HPGDS: variants seen among roughly 807,000 people sequenced by gnomAD.
HPGDS encodes hematopoietic prostaglandin D synthase.
A neutral mutation model predicts 23.1 loss-of-function variants in HPGDS; 26 were observed. That is an observed-to-expected ratio of 1.13 (90% CI 0.83 to 1.56). HPGDS has a LOEUF of 1.56. Ranked by LOEUF, HPGDS falls within the 40% of genes most tolerant of loss-of-function variation. The probability of loss-of-function intolerance (pLI) is 0.00; values close to 1 mark genes in which losing one functional copy is unlikely to be tolerated. For missense variants in HPGDS, 268 were observed against 236.4 expected (o/e 1.13, Z -0.88); for synonymous variants, 95 against 77.9 (o/e 1.22, Z -1.16).
chr4:94,337,469 G>A (rs1721045871), intron 1 of HPGDS, among the ~76,000 whole-genome samples: 1 of 151,930 alleles, frequency 6.6e-6, no homozygotes, highest in Admixed American at 6.5e-5. Context: ...AAGGTCAGGA[G>A]TTTGAGACCA....
At chr4:94,312,828 G>A (rs889939562) in intron 3 of HPGDS, among the ~76,000 whole-genome samples, 1 of 152,088 alleles carries the variant, frequency 6.6e-6, no homozygotes, top group Non-Finnish European at 1.5e-5. Flanking sequence ...TCCTGTATTG[G>A]GTGCATATAT....
At chr4:94,338,487 A>T (rs1332397583) in intron 1 of HPGDS, among the ~76,000 whole-genome samples, 1 of 152,198 alleles carries the variant, frequency 6.6e-6, no homozygotes, top group Non-Finnish European at 1.5e-5. Context: ...AAATGCTTTT[A>T]AAAAGCATTT....
intron 4 of HPGDS, among the ~76,000 whole-genome samples, chr4:94,304,407 C>T (rs1223641256): frequency 2.6e-5 from 4 of 151,998 alleles, no homozygotes; most frequent in South Asian, 2.1e-4. Flanking sequence ...GCATCTTTTG[C>T]TTTTAATTCT....
intron 3 of HPGDS, among the ~76,000 whole-genome samples, chr4:94,312,670 C>A (rs1756300484): frequency 6.6e-6 from 1 of 152,128 alleles, no homozygotes; most frequent in African/African-American, 2.4e-5. Context: ...TGGTGCAGAG[C>A]TGACTTCAAT....
chr4:94,307,702 C>T (rs879922694), intron 4 of HPGDS, among the ~76,000 whole-genome samples: 5 of 152,100 alleles, frequency 3.3e-5, no homozygotes, highest in Admixed American at 6.6e-5. Flanking sequence ...ACTGACACTA[C>T]GTTGACCTTG....
chr4:94,308,033 C>G (rs1756171694), intron 4 of HPGDS, among the ~76,000 whole-genome samples: 1 of 152,086 alleles, frequency 6.6e-6, no homozygotes, highest in Non-Finnish European at 1.5e-5. Context: ...GAATTCCAGA[C>G]TTTTTCAGAT....
At chr4:94,340,320 T>C (rs995696310) in intron 1 of HPGDS, among the ~76,000 whole-genome samples, 350 of 14,928 alleles carry the variant, frequency 0.023, 7 homozygotes, top group South Asian at 0.064. Flanking sequence ...TCTTTTTTTT[T>C]TTTTTTTTTT....
intron 3 of HPGDS, among the ~76,000 whole-genome samples, chr4:94,310,821 T>G (rs959780712): frequency 7.9e-5 from 12 of 152,126 alleles, no homozygotes; most frequent in African/African-American, 2.2e-4. Context: ...TTGAGCAGTG[T>G]TTTGTAATTC....
intron 3 of HPGDS, among the ~76,000 whole-genome samples, chr4:94,317,433 C>T (rs769630544): frequency 3.3e-5 from 5 of 152,258 alleles, no homozygotes; most frequent in Non-Finnish European, 7.4e-5. Flanking sequence ...AGCAAAGAAA[C>T]TCCCTATTTT....
chr4:94,308,880 C>A, intron 3 of HPGDS, 137 bp from the exon 4 acceptor site: 1 of 481,034 alleles, frequency 2.1e-6, no homozygotes, highest in Non-Finnish European at 3.7e-6. Context: ...CTTCCATCCA[C>A]CACATTTTGC....
At chr4:94,323,499 C>T (rs11935654) in intron 2 of HPGDS, among the ~76,000 whole-genome samples, 3,773 of 152,216 alleles carry the variant, frequency 0.025, 106 homozygotes, top group African/African-American at 0.075. Flanking sequence ...TTGAATTGAT[C>T]CCTTTACCAT....
chr4:94,340,058 T>A (rs1721106702), intron 1 of HPGDS, among the ~76,000 whole-genome samples: 1 of 152,094 alleles, frequency 6.6e-6, no homozygotes, highest in South Asian at 2.1e-4. Flanking sequence ...TTCAAGCGAT[T>A]ATCCTGCCTC....
At chr4:94,328,095 C>G (rs2126044032) in intron 2 of HPGDS, among the ~76,000 whole-genome samples, 1 of 152,360 alleles carries the variant, frequency 6.6e-6, no homozygotes, top group African/African-American at 2.4e-5. Context: ...TTGCAGGAGT[C>G]TGCGGAGTAA....
intron 2 of HPGDS, among the ~76,000 whole-genome samples, chr4:94,326,274 T>C (rs1028033222): frequency 2.6e-5 from 4 of 152,238 alleles, no homozygotes; most frequent in Non-Finnish European, 5.9e-5. Context: ...TTAACTATCA[T>C]TTTGTTAATT....
At chr4:94,323,783 T>C (rs905949687) in intron 2 of HPGDS, among the ~76,000 whole-genome samples, 1 of 152,188 alleles carries the variant, frequency 6.6e-6, no homozygotes, top group Non-Finnish European at 1.5e-5. Flanking sequence ...AATATTGTTA[T>C]GTGTGAATTT....
intron 2 of HPGDS, among the ~76,000 whole-genome samples, chr4:94,321,466 A>G (rs1756508006): frequency 1.3e-5 from 2 of 152,144 alleles, no homozygotes; most frequent in African/African-American, 4.8e-5. Flanking sequence ...TTCTCCTTGA[A>G]GAGGTCCTTC....
intron 2 of HPGDS, among the ~76,000 whole-genome samples, chr4:94,323,096 G>A (rs1335800690): frequency 6.6e-6 from 1 of 152,192 alleles, no homozygotes; most frequent in East Asian, 1.9e-4. Flanking sequence ...TTAATCCTGA[G>A]TTCTAGTTTG....
chr4:94,304,947 G>C (rs768488093), intron 4 of HPGDS, among the ~76,000 whole-genome samples: 49 of 151,946 alleles, frequency 3.2e-4, no homozygotes, highest in Non-Finnish European at 4.0e-4. Context: ...GCACATTAGG[G>C]GGGTGTTTGG....
chr4:94,313,233 G>C (rs568970372), intron 3 of HPGDS, among the ~76,000 whole-genome samples: 1 of 152,078 alleles, frequency 6.6e-6, no homozygotes, highest in African/African-American at 2.4e-5. Flanking sequence ...TTCCTAGCTT[G>C]GGTGGTCTTT....
Sources: gnomAD v4.1 joint callset for allele counts (sites outside exome capture counted in the v4.1 genomes callset) on GRCh38, gnomAD v4.1.1 for gene constraint, MANE v1.5 for transcripts, NCBI Gene and HGNC (gene_info 2026-07-23, HGNC 2026-07-21) for gene names.